The following TSHR variants were observed in gnomAD, a reference collection of about 807,000 sequenced individuals.
TSHR encodes thyrotropin receptor.
A neutral mutation model predicts 64.1 loss-of-function variants in TSHR; 51 were observed. The ratio of observed to expected loss-of-function variants is 0.80; its 90% confidence interval spans 0.64 to 1.01. The LOEUF (loss-of-function observed/expected upper bound fraction) is 1.01, where lower values mean the gene tolerates loss of function less well. Among genes scored for constraint, TSHR ranks in the 50% least tolerant of loss-of-function variants. TSHR has a pLI of 0.00. For synonymous variants in TSHR, 361 were observed against 361.9 expected (o/e 1.00, Z 0.03); for missense variants, 877 against 942.8 (o/e 0.93, Z 0.91).
In TSHR at chr14:80,973,403, CA is replaced by C. The variant is rs58316010; in HGVS notation, c.170+17579del. On this transcript the variant is annotated intron_variant, in intron 1 of 9. Transcript: ENST00000298171. ...CCCGGGTGACAGCGAGACGCTGTCTCAAAAAAAAAAAAAAAAAAAAAAAAAA... is the reference window on the plus strand; with the variant it reads ...CCCGGGTGACAGCGAGACGCTGTCTCAAAAAAAAAAAAAAAAAAAAAAAAA... Among the ~76,000 whole-genome samples the C allele has an allele frequency of 8.0e-3, 412 of 51,396 alleles. 5 individuals are homozygous for C. Among genetic ancestry groups the C allele is most frequent in the African/African-American group, 0.028 (366 of 13,016 alleles). 33.7% of individuals were successfully genotyped at this position (51,396 alleles called of 152,430 possible). A position where few individuals can be genotyped will look rare whatever the true frequency, so the allele number is the denominator to read the frequency against.
At position 81,037,378 on chromosome 14, in the gene TSHR, C is replaced by A. The variant is rs560991442; in HGVS notation, c.171-24770C>A. Among the ~76,000 whole-genome samples, 7 of 143,602 alleles carry A rather than the reference C, an allele frequency of 4.9e-5. No homozygotes were observed. The South Asian group carries it at 8.9e-4, about 18-fold the overall frequency. 94.2% of individuals were successfully genotyped at this position (143,602 alleles called of 152,430 possible). A position where few individuals can be genotyped will look rare whatever the true frequency, so the allele number is the denominator to read the frequency against. On this transcript the variant is annotated intron_variant, in intron 1 of 9. Transcript: ENST00000298171. ...CTACAAAAAAAATCACCAAACCACA[C>A]AGGTAAACTATAAGAGAGGGAAAAA...
chr14:80,974,748 G>C (rs1007549288), intron 1 of TSHR, among the ~76,000 whole-genome samples: 1 of 152,158 alleles, frequency 6.6e-6, no homozygotes, highest in African/African-American at 2.4e-5. Context: ...AAAAAAATAG[G>C]GTGGCTTGGA....
chr14:81,048,381 C>T (rs1254564363), intron 1 of TSHR, among the ~76,000 whole-genome samples: 1 of 152,146 alleles, frequency 6.6e-6, no homozygotes, highest in Non-Finnish European at 1.5e-5. Flanking sequence ...CACATTCTTC[C>T]TATATCTACA....
intron 8 of TSHR, among the ~76,000 whole-genome samples, chr14:81,138,596 A>G (rs1891552738): frequency 6.6e-6 from 1 of 152,092 alleles, no homozygotes; most frequent in South Asian, 2.1e-4. Context: ...CTTTCCTCAC[A>G]AGAGTAACAG....
At chr14:81,083,699 T>G (rs1888074823) in intron 3 of TSHR, among the ~76,000 whole-genome samples, 1 of 152,212 alleles carries the variant, frequency 6.6e-6, no homozygotes, top group African/African-American at 2.4e-5. Context: ...ACACTGTTTC[T>G]TTTTACCCTT....
At chr14:80,958,906 TAG>T (rs1392505068) in intron 1 of TSHR, among the ~76,000 whole-genome samples, 14 of 152,220 alleles carry the variant, frequency 9.2e-5, no homozygotes, top group Admixed American at 9.2e-4. Flanking sequence ...TTTGTTCCTG[TAG>T]AGTTATTTGC....
At chr14:81,060,973 G>A (rs1439864139) in intron 1 of TSHR, among the ~76,000 whole-genome samples, 3 of 152,100 alleles carry the variant, frequency 2.0e-5, no homozygotes, top group Non-Finnish European at 4.4e-5. Flanking sequence ...TGTATGATGA[G>A]AACAGTCTCC....
chr14:81,028,447 G>GA lies in TSHR; in HGVS notation c.171-33692dup, dbSNP rs573349642. ...GCAGCACTATAGGGCTAGACAGTAA[G>GA]AAAAAAAAATCTATCAAGAAAGGAT... On this transcript the variant is annotated intron_variant, in intron 1 of 9. Coordinates refer to ENST00000298171, the MANE Select transcript of TSHR (RefSeq NM_000369.5). Among the ~76,000 whole-genome samples, 873 of 151,332 alleles carry GA rather than the reference G, an allele frequency of 5.8e-3. 3 individuals carry two copies. Among genetic ancestry groups the GA allele is most frequent in the African/African-American group, 0.019 (772 of 41,282 alleles).
At position 81,019,101 on chromosome 14, in the gene TSHR, G is replaced by A. The variant is rs140482018; in HGVS notation, c.171-43047G>A. ...CAAATTGCCTGAACCCCAGACATATGATAAATCATATAACATGAATAGGCC... is the reference window on the plus strand; with the variant it reads ...CAAATTGCCTGAACCCCAGACATATAATAAATCATATAACATGAATAGGCC... On this transcript the variant is annotated intron_variant, in intron 1 of 9. Transcript: ENST00000298171. Among the ~76,000 whole-genome samples, 5 of 152,228 alleles carry A rather than the reference G, an allele frequency of 3.3e-5. No homozygotes were observed. The East Asian group carries it at 9.6e-4, about 29-fold the overall frequency.
chr14:80,964,785 C>A (rs77130197), intron 1 of TSHR, among the ~76,000 whole-genome samples: 2,499 of 152,326 alleles, frequency 0.016, 19 homozygotes, highest in Middle Eastern at 0.054. Flanking sequence ...ATATTACAAA[C>A]AACCCTAACA....
At chr14:81,132,101 T>C (rs1566830210) in intron 8 of TSHR, among the ~76,000 whole-genome samples, 1 of 152,248 alleles carries the variant, frequency 6.6e-6, no homozygotes, top group Non-Finnish European at 1.5e-5. Context: ...AATTCAATAT[T>C]AATAAATTAA....
intron 1 of TSHR, among the ~76,000 whole-genome samples, chr14:81,044,903 A>G (rs1295067761): frequency 6.6e-6 from 1 of 152,188 alleles, no homozygotes; most frequent in Non-Finnish European, 1.5e-5. Context: ...TACTTAGCAT[A>G]TACCCAAAGT....
At chr14:81,008,461 T>C (rs547857620) in intron 1 of TSHR, among the ~76,000 whole-genome samples, 142 of 152,298 alleles carry the variant, frequency 9.3e-4, no homozygotes, top group Non-Finnish European at 6.8e-4. Flanking sequence ...CGTGAGCCAC[T>C]GCACCTGGCT....
chr14:81,104,375 G>A, intron 7 of TSHR: 10 of 985,388 alleles, frequency 1.0e-5, no homozygotes, highest in Non-Finnish European at 1.2e-5. Context: ...CCCATAAAGG[G>A]ACTGTGGAGG....
At chr14:80,969,139 A>G (rs179250) in intron 1 of TSHR, among the ~76,000 whole-genome samples, 129,831 of 152,194 alleles carry the variant, frequency 0.85, 56,051 homozygotes, top group East Asian at 1. Flanking sequence ...CCTTTCTTAG[A>G]TCAGATCCCC....
chr14:81,100,429 G>A (rs1889503520), intron 7 of TSHR, among the ~76,000 whole-genome samples: 1 of 152,154 alleles, frequency 6.6e-6, no homozygotes, highest in Non-Finnish European at 1.5e-5. Context: ...ATGTTTGGAG[G>A]CTTTTCCCCC....
intron 1 of TSHR, among the ~76,000 whole-genome samples, chr14:81,023,663 G>C (rs1883892518): frequency 6.6e-6 from 1 of 152,256 alleles, no homozygotes; most frequent in African/African-American, 2.4e-5. Context: ...AGCATAAATG[G>C]AGTCAATCCA....
chr14:81,142,606 CTTTTT>C (rs10711545), intron 9 of TSHR, among the ~76,000 whole-genome samples: 5 of 97,238 alleles, frequency 5.1e-5, no homozygotes, highest in Admixed American at 1.1e-4. Flanking sequence ...AACAAGCATT[CTTTTT>C]TTTTTTTTTT....
chr14:81,070,625 C>CAAAAAAAAA (rs60958301), intron 3 of TSHR, among the ~76,000 whole-genome samples: 2 of 15,806 alleles, frequency 1.3e-4, no homozygotes, highest in Non-Finnish European at 2.6e-4. Context: ...GATTCCATCT[C>CAAAAAAAAA]AAAAAAAAAA....
Sources: allele counts gnomAD v4.1 joint callset (sites outside exome capture counted in the v4.1 genomes callset), GRCh38; gene constraint gnomAD v4.1.1; transcripts MANE v1.5; gene names NCBI Gene and HGNC (gene_info 2026-07-23, HGNC 2026-07-21).